CTNNA2: variants seen among roughly 807,000 people sequenced by gnomAD.
CTNNA2 encodes the protein catenin alpha-2.
Under a neutral mutation model 101.0 loss-of-function variants are expected in CTNNA2, and 42 were observed. That is an observed-to-expected ratio of 0.42 (90% CI 0.32 to 0.54). The LOEUF (loss-of-function observed/expected upper bound fraction) is 0.54, where lower values mean the gene tolerates loss of function less well. Among genes scored for constraint, CTNNA2 ranks in the 20% least tolerant of loss-of-function variants. The probability of loss-of-function intolerance (pLI) is 0.14; values close to 1 mark genes in which losing one functional copy is unlikely to be tolerated. For missense variants in CTNNA2, 871 were observed against 1,223.1 expected (o/e 0.71, Z 4.29); for synonymous variants, 450 against 456.4 (o/e 0.99, Z 0.18).
intron 1 of CTNNA2, among the ~76,000 whole-genome samples, chr2:79,532,743 G>A (rs1054479886): frequency 2.0e-5 from 3 of 152,050 alleles, no homozygotes; most frequent in African/African-American, 7.2e-5. Flanking sequence ...CTGTGTTCCT[G>A]AGTTGTCATT....
intron 7 of CTNNA2, among the ~76,000 whole-genome samples, chr2:80,089,064 G>A (rs1699620560): frequency 6.6e-6 from 1 of 151,940 alleles, no homozygotes; most frequent in Admixed American, 6.6e-5. Flanking sequence ...ATGCGTGGAA[G>A]ACCTATTATC....
intron 2 of CTNNA2, among the ~76,000 whole-genome samples, chr2:79,242,065 C>T (rs576581984): frequency 6.6e-6 from 1 of 152,268 alleles, no homozygotes; most frequent in Non-Finnish European, 1.5e-5. Context: ...GCCACCACTC[C>T]TGGCTAATTT....
rs147988865 is a variant in CTNNA2 at position 79,331,396 on chromosome 2, T to C, written c.-318+18600T>C. On this transcript the variant is annotated intron_variant, in intron 3 of 21. Coordinates refer to the CTNNA2 transcript ENST00000466387. ...TCCTGGTCCCCTCCCTTCACTTCAG[T>C]CAGATCCTCACACAGCCCTAACTTA... Among the ~76,000 whole-genome samples the C allele has an allele frequency of 2.6e-5, 4 of 152,326 alleles. No homozygotes were observed. The East Asian group carries it at 7.7e-4, about 29-fold the overall frequency.
At chr2:79,953,192 C>T (rs1447167171) in intron 7 of CTNNA2, among the ~76,000 whole-genome samples, 1 of 152,152 alleles carries the variant, frequency 6.6e-6, no homozygotes, top group Non-Finnish European at 1.5e-5. Context: ...GTGAGTTGAC[C>T]CTCACTCTCT....
At chr2:79,535,120 A>C (rs1672977725) in intron 1 of CTNNA2, among the ~76,000 whole-genome samples, 1 of 152,192 alleles carries the variant, frequency 6.6e-6, no homozygotes. Context: ...ATGATAGACA[A>C]AATCTTAATC....
intron 7 of CTNNA2, among the ~76,000 whole-genome samples, chr2:80,332,313 G>A (rs1671408829): frequency 6.6e-6 from 1 of 152,138 alleles, no homozygotes; most frequent in African/African-American, 2.4e-5. Flanking sequence ...CACCTCCCAT[G>A]AAGCTGGCAG....
At chr2:80,054,740 G>T (rs1697110900) in intron 7 of CTNNA2, among the ~76,000 whole-genome samples, 1 of 152,150 alleles carries the variant, frequency 6.6e-6, no homozygotes, top group African/African-American at 2.4e-5. Flanking sequence ...CTGACCCTTA[G>T]TCTTCTGTTG....
intron 18 of CTNNA2, among the ~76,000 whole-genome samples, chr2:80,624,755 T>G (rs1411878211): frequency 6.6e-6 from 1 of 152,016 alleles, no homozygotes; most frequent in Non-Finnish European, 1.5e-5. Flanking sequence ...CTCTTGGGTA[T>G]AGATACTGTC....
chr2:80,247,052 G>A (rs1671382636), intron 7 of CTNNA2, among the ~76,000 whole-genome samples: 1 of 152,076 alleles, frequency 6.6e-6, no homozygotes, highest in African/African-American at 2.4e-5. Flanking sequence ...GTTTTATACT[G>A]TGCCCAGCAC....
At chr2:79,252,699 G>C (rs1449241800) in intron 2 of CTNNA2, among the ~76,000 whole-genome samples, 1 of 151,900 alleles carries the variant, frequency 6.6e-6, no homozygotes, top group Non-Finnish European at 1.5e-5. Context: ...TGAGCCAGCA[G>C]CACTCTATTT....
At chr2:80,504,914 C>G (rs75963785) in intron 9 of CTNNA2, among the ~76,000 whole-genome samples, 1 of 152,070 alleles carries the variant, frequency 6.6e-6, no homozygotes. Flanking sequence ...TTAAGAAATA[C>G]GAGGTCATGA....
chr2:80,576,198 C>T (rs1695026444), intron 13 of CTNNA2: 1 of 152,026 alleles, frequency 6.6e-6, no homozygotes, highest in South Asian at 2.1e-4. Context: ...AATTCTTTAT[C>T]ATCTTGTCTC....
At chr2:79,493,707 T>C (rs934679169) in intron 4 of CTNNA2, 36 of 152,264 alleles carry the variant, frequency 2.4e-4, no homozygotes, top group African/African-American at 8.4e-4. Flanking sequence ...ATTTGAATTC[T>C]GCTTATGTTA....
intron 4 of CTNNA2, among the ~76,000 whole-genome samples, chr2:79,400,973 A>T (rs1337075391): frequency 6.6e-6 from 1 of 151,976 alleles, no homozygotes; most frequent in African/African-American, 2.4e-5. Flanking sequence ...GAAAAGAAAA[A>T]CACTATCAAC....
At chr2:80,236,416 T>TCAGTG (rs1709553685) in intron 7 of CTNNA2, among the ~76,000 whole-genome samples, 1 of 152,206 alleles carries the variant, frequency 6.6e-6, no homozygotes, top group African/African-American at 2.4e-5. Flanking sequence ...ATTGGTCAAA[T>TCAGTG]CAGTGCAGTG....
chr2:79,744,517 T>A lies in CTNNA2; in HGVS notation c.233T>A (p.Ile78Asn). 6.2e-7 allele frequency: 1 copy of A among 1,614,032 alleles called. No individual in the cohort carries two copies. Among genetic ancestry groups the A allele is most frequent in the South Asian group, 1.1e-5 (1 of 91,076 alleles). Reference protein sequence around the residue: ...TQNFLEKGEQIAKESQDLKEE... With the variant: ...TQNFLEKGEQNAKESQDLKEE... ...AATTTCCTGGAAAAGGGTGAACAGA[T>A]CGCTAAGGAGAGTCAAGATCTCAAA... The change falls in exon 3 of 19, where the codon ATC becomes AAC. Residue 78 changes from isoleucine to asparagine, a missense_variant. Physicochemically the swap from Ile to Asn is moderately radical, Grantham distance 149. Transcript: ENST00000402739.
At chr2:79,982,230 A>ATG (rs1553420938) in intron 7 of CTNNA2, among the ~76,000 whole-genome samples, 1 of 96,434 alleles carries the variant, frequency 1.0e-5, no homozygotes, top group Non-Finnish European at 2.0e-5. Context: ...ATATATATAT[A>ATG]TATATATATA....
chr2:80,241,324 A>G (rs1573488384), intron 7 of CTNNA2, among the ~76,000 whole-genome samples: 1 of 151,882 alleles, frequency 6.6e-6, no homozygotes, highest in South Asian at 2.1e-4. Flanking sequence ...TCATCAAACA[A>G]TTTTGGAAGT....
intron 5 of CTNNA2, among the ~76,000 whole-genome samples, chr2:79,505,806 A>G (rs1288936421): frequency 2.0e-5 from 3 of 152,166 alleles, no homozygotes; most frequent in African/African-American, 7.2e-5. Flanking sequence ...ATTATATTGC[A>G]TTTATCTCGA....
Sources: allele counts gnomAD v4.1 joint callset (sites outside exome capture counted in the v4.1 genomes callset), GRCh38; gene constraint gnomAD v4.1.1; transcripts MANE v1.5; gene names NCBI Gene and HGNC (gene_info 2026-07-23, HGNC 2026-07-21).